The following GNAL variants were observed in gnomAD, a reference collection of about 807,000 sequenced individuals.
GNAL encodes guanine nucleotide-binding protein G(olf) subunit alpha.
GNAL carries 18 observed loss-of-function variants against 55.1 expected under a neutral mutation model. The observed-to-expected ratio is 0.33, with a 90% CI of 0.23 to 0.48. The LOEUF (loss-of-function observed/expected upper bound fraction) is 0.48, where lower values mean the gene tolerates loss of function less well. GNAL is among the 20% of genes least tolerant of loss of function. The pLI, the probability that GNAL is intolerant of heterozygous loss-of-function variation, is 0.99. For synonymous variants in GNAL, 253 were observed against 237.0 expected (o/e 1.07, Z -0.62); for missense variants, 412 against 614.1 (o/e 0.67, Z 3.48).
At position 11,752,598 on chromosome 18, in the gene GNAL, G is replaced by T. The variant is rs1013412282; in HGVS notation, c.377-255G>T. 2 of 1,579,746 alleles carry T rather than the reference G, an allele frequency of 1.3e-6. No individual in the cohort carries two copies. Among genetic ancestry groups the T allele is most frequent in the African/African-American group, 2.8e-5 (2 of 71,412 alleles). On this transcript the variant is annotated intron_variant, in intron 1 of 11. Coordinates refer to ENST00000334049, the MANE Select transcript of GNAL (RefSeq NM_182978.4). This position sits in a 1 kb window ranked among gnomAD's most constrained non-coding sequence, Gnocchi z 4.5. ...TCCTGGGTAAGGCCGAGGGGCGCGCGGCGGCTCCCGGCCCCAGCGGAGCGC... is the reference window on the plus strand; with the variant it reads ...TCCTGGGTAAGGCCGAGGGGCGCGCTGCGGCTCCCGGCCCCAGCGGAGCGC...
At position 11,717,316 on chromosome 18, in the gene GNAL, C is replaced by T. The variant is rs563865487; in HGVS notation, c.376+27377C>T. 1.6e-4 allele frequency among the ~76,000 whole-genome samples: 24 copies of T among 152,318 alleles called. No homozygotes were observed. In the South Asian group the frequency reaches 3.1e-3, roughly 20 times the overall value. On this transcript the variant is annotated intron_variant, in intron 1 of 11. Coordinates refer to ENST00000334049, the MANE Select transcript of GNAL (RefSeq NM_182978.4). ...ACACCTCCCCGCAAGCTGAGGGAGCCGGCTCTGGCCTTGGCCAGCCCAGAA... is the reference window on the plus strand; with the variant it reads ...ACACCTCCCCGCAAGCTGAGGGAGCTGGCTCTGGCCTTGGCCAGCCCAGAA...
At chr18:11,697,048 G>A (rs1316501631) in intron 1 of GNAL, among the ~76,000 whole-genome samples, 2 of 152,204 alleles carry the variant, frequency 1.3e-5, no homozygotes, top group African/African-American at 4.8e-5. Flanking sequence ...CTTATTGACA[G>A]GAGTAAATGA....
intron 1 of GNAL, among the ~76,000 whole-genome samples, chr18:11,740,264 T>C (rs1362398276): frequency 2.0e-5 from 3 of 152,010 alleles, no homozygotes; most frequent in African/African-American, 7.2e-5. Context: ...CCCCAGCATT[T>C]TGGGGCACTT....
intron 1 of GNAL, among the ~76,000 whole-genome samples, chr18:11,718,716 C>G (rs562616778): frequency 9.2e-5 from 14 of 152,310 alleles, no homozygotes; most frequent in Non-Finnish European, 1.9e-4. Context: ...TTTCTCTGAG[C>G]AGCATTAACA....
intron 4 of GNAL, among the ~76,000 whole-genome samples, chr18:11,824,687 CAAAA>C (rs35626946): frequency 1.3e-5 from 1 of 75,912 alleles, no homozygotes; most frequent in African/African-American, 3.1e-5. Context: ...GACTGTGTCT[CAAAA>C]AAAAAACAAA....
At chr18:11,744,810 C>T (rs201346189) in intron 1 of GNAL, among the ~76,000 whole-genome samples, 1 of 152,302 alleles carries the variant, frequency 6.6e-6, no homozygotes, top group African/African-American at 2.4e-5. Context: ...TCCTGGGCTC[C>T]AGCAATCCTC....
At position 11,837,082 on chromosome 18, in the gene GNAL, TA is replaced by T. The variant is rs1330300427; in HGVS notation, c.722+12069del. ...TATTCTCCTGCCTCAGCCTGCTGAG[TA>T]ACTGGGATTACAGGCACATGCCACC... On this transcript the variant is annotated intron_variant, in intron 5 of 11. Coordinates refer to ENST00000334049, the MANE Select transcript of GNAL (RefSeq NM_182978.4). Among the ~76,000 whole-genome samples the T allele has an allele frequency of 3.9e-5, 6 of 152,202 alleles. No homozygotes were observed. The East Asian group carries it at 1.2e-3, about 29-fold the overall frequency.
chr18:11,792,934 A>G (rs1477343179), intron 4 of GNAL, among the ~76,000 whole-genome samples: 1 of 152,224 alleles, frequency 6.6e-6, no homozygotes, highest in Non-Finnish European at 1.5e-5. Context: ...GTCATTTTCC[A>G]ATAAAAAGTT....
chr18:11,866,911 C>A (rs1435232892), intron 7 of GNAL, among the ~76,000 whole-genome samples: 3 of 139,690 alleles, frequency 2.1e-5, no homozygotes, highest in Admixed American at 6.8e-5. Context: ...TCAGACACTG[C>A]CGGCTGCTGT....
At chr18:11,857,389 G>A (rs1469212950) in intron 5 of GNAL, 1 of 636,842 alleles carries the variant, frequency 1.6e-6, no homozygotes, top group Non-Finnish European at 2.0e-6. Flanking sequence ...GGATCTGAGA[G>A]GCCAAAAACT....
intron 4 of GNAL, among the ~76,000 whole-genome samples, chr18:11,765,912 T>C (rs145425642): frequency 1.0e-3 from 157 of 152,356 alleles, no homozygotes; most frequent in African/African-American, 3.7e-3. Flanking sequence ...ATTGGAAGTT[T>C]GTTGTTCATC....
intron 4 of GNAL, among the ~76,000 whole-genome samples, chr18:11,823,627 TTG>T (rs1281749363): frequency 6.6e-6 from 1 of 152,180 alleles, no homozygotes; most frequent in Non-Finnish European, 1.5e-5. Context: ...TTGTATGGAA[TTG>T]TGAGTCCTTA....
chr18:11,712,303 TG>T (rs1006475619), intron 1 of GNAL, among the ~76,000 whole-genome samples: 1 of 152,244 alleles, frequency 6.6e-6, no homozygotes, highest in African/African-American at 2.4e-5. Flanking sequence ...GTGGTCTTTC[TG>T]GGCACTGTGC....
At position 11,689,670 on chromosome 18, in the gene GNAL, C is replaced by CGGGCCT; in HGVS notation, c.109_110insGCCTGG (p.Pro36_Ala37insGlyLeu). 10 of 1,441,180 alleles carry CGGGCCT rather than the reference C, an allele frequency of 6.9e-6. No homozygotes were observed. In the South Asian group the frequency reaches 1.4e-4, roughly 20 times the overall value. The allele number at this position is 1,441,180 out of a possible 1,614,324, so 89.3% of individuals were successfully genotyped here. A position where few individuals can be genotyped will look rare whatever the true frequency, so the allele number is the denominator to read the frequency against. On this transcript the variant is annotated inframe_insertion, in exon 1 of 12. Coordinates refer to ENST00000334049, the MANE Select transcript of GNAL (RefSeq NM_182978.4). ...GAGGACGCGCAGCCCGCCCCGGCCC[C>CGGGCCT]GGCCCTGGCCCCAGTCCGGGCGGCC...
chr18:11,817,064 G>C (rs570732715), intron 4 of GNAL, among the ~76,000 whole-genome samples: 1 of 152,284 alleles, frequency 6.6e-6, no homozygotes, highest in East Asian at 1.9e-4. Context: ...AAACCTGGGT[G>C]TTGGTGGTTG....
chr18:11,836,666 A>G (rs574508820), intron 5 of GNAL, among the ~76,000 whole-genome samples: 1 of 152,326 alleles, frequency 6.6e-6, no homozygotes, highest in East Asian at 1.9e-4. Flanking sequence ...ATAAGATTAC[A>G]TAAGACTACA....
chr18:11,873,039 G>A (rs1049620807), intron 10 of GNAL, among the ~76,000 whole-genome samples: 11 of 152,326 alleles, frequency 7.2e-5, no homozygotes, highest in African/African-American at 2.6e-4. Context: ...GCTAAAGCTG[G>A]GAAGGTAGAC....
At chr18:11,729,503 G>A (rs1355196403) in intron 1 of GNAL, among the ~76,000 whole-genome samples, 1 of 152,100 alleles carries the variant, frequency 6.6e-6, no homozygotes, top group African/African-American at 2.4e-5. Flanking sequence ...AACATTTTCT[G>A]ACCCTCTGTG....
intron 4 of GNAL, among the ~76,000 whole-genome samples, chr18:11,757,443 A>G (rs765908065): frequency 2.7e-4 from 41 of 152,138 alleles, no homozygotes; most frequent in Non-Finnish European, 4.0e-4. Context: ...AAGGAGGGCA[A>G]CCACTTCGGA....
Sources: allele counts gnomAD v4.1 joint callset (sites outside exome capture counted in the v4.1 genomes callset), GRCh38; gene constraint gnomAD v4.1.1; non-coding constraint Gnocchi (gnomAD v3.1); transcripts MANE v1.5; gene names NCBI Gene and HGNC (gene_info 2026-07-23, HGNC 2026-07-21).